CAST: variants seen among roughly 807,000 people sequenced by gnomAD.
The protein encoded by CAST is MIR583 host.
CAST carries 76 observed loss-of-function variants against 119.6 expected under a neutral mutation model. That is an observed-to-expected ratio of 0.64 (90% confidence interval 0.53 to 0.77). The LOEUF is 0.77. Ranked by LOEUF, CAST falls within the 30% of genes least tolerant of loss-of-function variation. The pLI, the probability that CAST is intolerant of heterozygous loss-of-function variation, is 0.00. For synonymous variants in CAST, 319 were observed against 331.6 expected (o/e 0.96, Z 0.41); for missense variants, 953 against 946.5 (o/e 1.01, Z -0.09).
At chr5:96,151,109 A>C in the CAST span, among the ~76,000 whole-genome samples, 5 of 152,166 alleles carry the variant, frequency 3.3e-5, no homozygotes, top group African/African-American at 9.7e-5. Flanking sequence ...TAGAGTTCTG[A>C]TATTAAAATC....
At chr5:96,130,914 C>T in the CAST span, among the ~76,000 whole-genome samples, 4 of 152,070 alleles carry the variant, frequency 2.6e-5, no homozygotes, top group African/African-American at 9.7e-5. Context: ...TGGACAATCT[C>T]CTACATCGTT....
At chr5:96,636,344 T>C (rs1419732114) in intron 1 of CAST, among the ~76,000 whole-genome samples, 1 of 152,200 alleles carries the variant, frequency 6.6e-6, no homozygotes, top group Non-Finnish European at 1.5e-5. Context: ...AAAAATTTGG[T>C]ATTCACAATG....
At chr5:96,257,443 T>C in the CAST span, among the ~76,000 whole-genome samples, 1 of 152,190 alleles carries the variant, frequency 6.6e-6, no homozygotes, top group African/African-American at 2.4e-5. Flanking sequence ...AATATATCTA[T>C]TAGATTATAC....
At chr5:96,685,098 C>T (rs531122869) in intron 2 of CAST, among the ~76,000 whole-genome samples, 2 of 150,836 alleles carry the variant, frequency 1.3e-5, no homozygotes, top group Non-Finnish European at 3.0e-5. Context: ...TAATAATATA[C>T]CCTTCATTAT....
chr5:96,547,049 T>C (rs1193216669), intron 1 of CAST, among the ~76,000 whole-genome samples: 2 of 152,040 alleles, frequency 1.3e-5, no homozygotes, highest in Non-Finnish European at 1.5e-5. Context: ...TGGAGGAAAA[T>C]ATATTTTCCA....
the CAST span, among the ~76,000 whole-genome samples, chr5:96,423,140 G>C: frequency 1.3e-5 from 2 of 152,202 alleles, no homozygotes; most frequent in South Asian, 4.2e-4. Flanking sequence ...ATGCCCACTG[G>C]TACAAAATAA....
At chr5:96,388,398 GA>G in the CAST span, among the ~76,000 whole-genome samples, 8 of 152,148 alleles carry the variant, frequency 5.3e-5, no homozygotes, top group African/African-American at 4.8e-5. Flanking sequence ...ATCTGTTCTG[GA>G]AACCAGGCTT....
chr5:96,544,174 G>T (rs777286379), intron 1 of CAST, among the ~76,000 whole-genome samples: 1 of 152,092 alleles, frequency 6.6e-6, no homozygotes, highest in Non-Finnish European at 1.5e-5. Context: ...TGACAACATC[G>T]AGTCTTCCAA....
At chr5:96,095,237 C>T in the CAST span, among the ~76,000 whole-genome samples, 1 of 151,840 alleles carries the variant, frequency 6.6e-6, no homozygotes, top group African/African-American at 2.4e-5. Context: ...TTTTTTCTCC[C>T]CCAATTAAGG....
At chr5:95,987,525 G>A in the CAST span, among the ~76,000 whole-genome samples, 3 of 152,140 alleles carry the variant, frequency 2.0e-5, no homozygotes, top group African/African-American at 7.2e-5. Flanking sequence ...TTTTTGAAGA[G>A]CACACCAACT....
the CAST span, among the ~76,000 whole-genome samples, chr5:96,326,695 A>ATTTTTTTTTTTTTTTTTTTTT: frequency 2.2e-4 from 21 of 95,736 alleles, no homozygotes; most frequent in Non-Finnish European, 2.9e-4. Flanking sequence ...ATGGCTTTTC[A>ATTTTTTTTTTTTTTTTTTTTT]TTTTTTTTTT....
the CAST span, among the ~76,000 whole-genome samples, chr5:96,061,120 AGG>A: frequency 6.6e-6 from 1 of 152,120 alleles, no homozygotes; most frequent in Admixed American, 6.6e-5. Flanking sequence ...AGCTACACTG[AGG>A]GTTCAGGCTT....
At chr5:96,256,022 G>A in the CAST span, among the ~76,000 whole-genome samples, 78,847 of 151,656 alleles carry the variant, frequency 0.52, 21,777 homozygotes, top group African/African-American at 0.7. Context: ...CATTCTGACT[G>A]AGAAAGGATA....
the CAST span, among the ~76,000 whole-genome samples, chr5:96,021,590 C>T: frequency 6.5e-4 from 99 of 152,134 alleles, no homozygotes; most frequent in Middle Eastern, 6.8e-3. Flanking sequence ...GGACTACAGG[C>T]GCCCGCCACC....
In CAST at chr5:96,710,697, C is replaced by G. The variant is rs558648938; in HGVS notation, c.211-11942C>G. ...AAAATATTTAAATAGTTATGAATTC[C>G]TGCCTATTCTACATATAGTTTCAAT... On this transcript the variant is annotated intron_variant, in intron 3 of 31. Coordinates refer to ENST00000675179, the MANE Select transcript of CAST (RefSeq NM_001750.7). Among the ~76,000 whole-genome samples, 25 of 152,154 alleles carry G rather than the reference C, an allele frequency of 1.6e-4. No homozygotes were observed. In the South Asian group the frequency reaches 5.2e-3, roughly 32 times the overall value.
At chr5:96,307,925 G>A in the CAST span, among the ~76,000 whole-genome samples, 1 of 152,152 alleles carries the variant, frequency 6.6e-6, no homozygotes, top group African/African-American at 2.4e-5. Flanking sequence ...TGATGAGTAT[G>A]TGTCTTGGGA....
chr5:96,147,108 T>G, the CAST span, among the ~76,000 whole-genome samples: 1 of 152,196 alleles, frequency 6.6e-6, no homozygotes, highest in Admixed American at 6.5e-5. Flanking sequence ...CAGCTGGAAG[T>G]GGAAAGAGTT....
the CAST span, among the ~76,000 whole-genome samples, chr5:96,447,397 C>A: frequency 2.0e-5 from 3 of 152,204 alleles, no homozygotes; most frequent in East Asian, 1.9e-4. Context: ...GCAGCTGATG[C>A]CAGCAGAAGG....
intron 2 of CAST, among the ~76,000 whole-genome samples, chr5:96,686,153 G>C (rs1328983868): frequency 7.1e-6 from 1 of 141,242 alleles, no homozygotes; most frequent in African/African-American, 2.8e-5. Flanking sequence ...TTGTCCTTTA[G>C]ATCTTTTGAT....
Sources: gnomAD v4.1 joint callset for allele counts (sites outside exome capture counted in the v4.1 genomes callset) on GRCh38, gnomAD v4.1.1 for gene constraint, MANE v1.5 for transcripts, NCBI Gene and HGNC (gene_info 2026-07-23, HGNC 2026-07-21) for gene names.